SPATA13: variants seen among roughly 807,000 people sequenced by gnomAD.
SPATA13 encodes the protein spermatogenesis-associated protein 13.
A neutral mutation model predicts 104.0 loss-of-function variants in SPATA13; 50 were observed. That is an observed-to-expected ratio of 0.48 (90% CI 0.38 to 0.61). The LOEUF is 0.61. Ranked by LOEUF, SPATA13 falls within the 20% of genes least tolerant of loss-of-function variation. The pLI, the probability that SPATA13 is intolerant of heterozygous loss-of-function variation, is 0.00. For missense variants in SPATA13, 1,524 were observed against 1,690.6 expected, an observed-to-expected ratio of 0.90 and a Z score of 1.73; for synonymous variants, 606 against 667.5, an observed-to-expected ratio of 0.91 and a Z score of 1.42.
Position 24,304,158 on chromosome 13 carries a change from A to G in SPATA13, c.*1385A>G, listed in dbSNP as rs539548235. On this transcript the variant is annotated 3_prime_UTR_variant, in exon 13 of 13. Coordinates refer to ENST00000382108, the MANE Select transcript of SPATA13 (RefSeq NM_001166271.3). ...CAGGGCATAACCATGTCACGTGAGC[A>G]TGTCATCAGGCTTCTGAGGACTTGT... 2.0e-5 allele frequency: 3 copies of G among 152,358 alleles called. No individual in the cohort carries two copies. The highest frequency in any genetic ancestry group is 3.9e-4 in the East Asian group (2 of 5,188). The allele number at this position is 152,358 out of a possible 1,614,324, so 9.4% of individuals were successfully genotyped here. A position where few individuals can be genotyped will look rare whatever the true frequency, so the allele number is the denominator to read the frequency against.
chr13:24,064,047 G>C (rs894538339), intron 3 of SPATA13, among the ~76,000 whole-genome samples: 2 of 152,132 alleles, frequency 1.3e-5, no homozygotes, highest in Admixed American at 1.3e-4. Context: ...TCTTCTTCAA[G>C]TCAGCCATTT....
At chr13:24,261,509 C>T (rs1284292372) in intron 4 of SPATA13, among the ~76,000 whole-genome samples, 1 of 152,096 alleles carries the variant, frequency 6.6e-6, no homozygotes, top group African/African-American at 2.4e-5. Context: ...TCTTAAAACT[C>T]TAGGAAGGAG....
chr13:24,018,582 G>A (rs1276659210), intron 3 of SPATA13, among the ~76,000 whole-genome samples: 3 of 152,174 alleles, frequency 2.0e-5, no homozygotes, highest in Admixed American at 6.5e-5. Flanking sequence ...AGAGGTCTAC[G>A]CATTAATAGC....
At chr13:24,219,062 A>C (rs1871426481) in intron 1 of SPATA13, among the ~76,000 whole-genome samples, 1 of 149,676 alleles carries the variant, frequency 6.7e-6, no homozygotes, top group South Asian at 2.1e-4. Context: ...TCCAGCTTGT[A>C]GACAGTGGAT....
At chr13:24,287,821 T>G (rs1342825197) in intron 7 of SPATA13, among the ~76,000 whole-genome samples, 1 of 152,242 alleles carries the variant, frequency 6.6e-6, no homozygotes, top group Non-Finnish European at 1.5e-5. Context: ...TATTTTGTGC[T>G]TCTATGGATT....
At chr13:24,004,628 A>G (rs1208588954) in intron 2 of SPATA13, among the ~76,000 whole-genome samples, 2 of 152,164 alleles carry the variant, frequency 1.3e-5, no homozygotes, top group African/African-American at 4.8e-5. Flanking sequence ...CTGCCCCAGG[A>G]AGACGCAGGT....
At chr13:24,100,510 TG>T (rs1291832323) in intron 3 of SPATA13, among the ~76,000 whole-genome samples, 2 of 152,226 alleles carry the variant, frequency 1.3e-5, no homozygotes, top group African/African-American at 4.8e-5. Flanking sequence ...CAGTAGCACA[TG>T]TGGCCTTTTT....
intron 3 of SPATA13, among the ~76,000 whole-genome samples, chr13:24,067,847 G>T (rs531957277): frequency 7.9e-5 from 12 of 152,122 alleles, no homozygotes; most frequent in Non-Finnish European, 1.8e-4. Context: ...TGGGACTACA[G>T]GTGCCTGCCA....
intron 3 of SPATA13, among the ~76,000 whole-genome samples, chr13:24,094,300 C>T (rs1418170276): frequency 6.6e-6 from 1 of 152,282 alleles, no homozygotes; most frequent in African/African-American, 2.4e-5. Context: ...CATAGAAAAA[C>T]CAGGTTTTGA....
intron 1 of SPATA13, among the ~76,000 whole-genome samples, chr13:24,186,912 A>G (rs1291663061): frequency 7.2e-5 from 11 of 152,198 alleles, no homozygotes; most frequent in Admixed American, 7.2e-4. Flanking sequence ...TCATTTCTGT[A>G]AAGTCACACT....
At chr13:24,285,447 AACTG>A (rs1265141728) in intron 5 of SPATA13, among the ~76,000 whole-genome samples, 1 of 152,166 alleles carries the variant, frequency 6.6e-6, no homozygotes, top group Non-Finnish European at 1.5e-5. Context: ...TTTGCTAGAT[AACTG>A]ACCTGCTGCT....
rs564734870 is a variant in SPATA13, at chr13:24,000,113, G to T, written c.-147+16180G>T. On this transcript the variant is annotated intron_variant, in intron 2 of 14. Coordinates refer to the SPATA13 transcript ENST00000424834. ...GGATGGTGAGGTAAGAAACCTAGTG[G>T]GAGGGTTAGATGTTGATCAAATGAG... is the stretch of plus-strand genomic sequence containing the variant. 7.2e-5 allele frequency among the ~76,000 whole-genome samples: 11 copies of T among 152,306 alleles called. No homozygotes were observed. The South Asian group carries it at 2.1e-3, about 29-fold the overall frequency.
intron 3 of SPATA13, among the ~76,000 whole-genome samples, chr13:24,129,871 G>T (rs1881338266): frequency 6.6e-6 from 1 of 152,196 alleles, no homozygotes; most frequent in Non-Finnish European, 1.5e-5. Context: ...ACAGCTCTGG[G>T]ACAAGGGTGG....
intron 3 of SPATA13, among the ~76,000 whole-genome samples, chr13:24,135,603 C>A (rs9507253): frequency 0.54 from 80,323 of 149,514 alleles, 21,662 homozygotes; most frequent in Admixed American, 0.62. Context: ...GAGGCTGAGG[C>A]AGGAGAATGG....
In SPATA13 at chr13:24,286,775, A is replaced by C; in HGVS notation, c.2492A>C (p.Asn831Thr). The change falls in exon 7 of 13, where the codon AAT becomes ACT. Residue 831 changes from asparagine to threonine, a missense_variant. Asn to Thr is a moderately conservative substitution (Grantham distance 65). Coordinates refer to ENST00000382108, the MANE Select transcript of SPATA13 (RefSeq NM_001166271.3). This position sits in a 1 kb window ranked among gnomAD's most constrained non-coding sequence, Gnocchi z 4.9. ...GTATGTGGGTTGCAGTTGCGAGTGAATCAGGAAGAGCTGTCGGAAAACTCC... is the reference window on the plus strand; with the variant it reads ...GTATGTGGGTTGCAGTTGCGAGTGACTCAGGAAGAGCTGTCGGAAAACTCC... ...FPASFVRLRV[N>T]QEELSENSSS... 6.2e-7 allele frequency: 1 copy of C among 1,613,640 alleles called. No homozygotes were observed. The highest frequency in any genetic ancestry group is 8.5e-7 in the Non-Finnish European group (1 of 1,179,896).
At chr13:24,289,691 C>T (rs994395146) in intron 8 of SPATA13, among the ~76,000 whole-genome samples, 8 of 152,158 alleles carry the variant, frequency 5.3e-5, no homozygotes, top group Middle Eastern at 3.2e-3. Flanking sequence ...GGCTCCAGGA[C>T]GCATGGTTGT....
intron 3 of SPATA13, among the ~76,000 whole-genome samples, chr13:24,149,158 A>G (rs1355801215): frequency 6.6e-6 from 1 of 152,242 alleles, no homozygotes; most frequent in Non-Finnish European, 1.5e-5. Context: ...TTGCCATCAC[A>G]CTGGGTCGTT....
intron 2 of SPATA13, among the ~76,000 whole-genome samples, chr13:23,995,963 G>A (rs2137665812): frequency 6.6e-6 from 1 of 152,324 alleles, no homozygotes; most frequent in East Asian, 1.9e-4. Flanking sequence ...GACTTGAAGA[G>A]CTAGAGAGAC....
chr13:24,051,901 C>T lies in SPATA13; in HGVS notation c.-112+34200C>T, dbSNP rs904006633. On this transcript the variant is annotated intron_variant, in intron 3 of 14. Transcript: ENST00000424834. The surrounding 1 kb of genome is among the most constrained non-coding windows in gnomAD (Gnocchi z 4.2). ...TCCTAGGAGTTCCCCGGCACCTGTT[C>T]CTCCTCCTCAGCCCCGGCCCACCCC... Among the ~76,000 whole-genome samples the T allele has an allele frequency of 2.0e-5, 3 of 152,140 alleles. No individual in the cohort carries two copies. Among genetic ancestry groups the T allele is most frequent in the Admixed American group, 2.0e-4 (3 of 15,280 alleles).
Sources: allele counts gnomAD v4.1 joint callset (sites outside exome capture counted in the v4.1 genomes callset), GRCh38; gene constraint gnomAD v4.1.1; non-coding constraint Gnocchi (gnomAD v3.1); transcripts MANE v1.5; gene names NCBI Gene and HGNC (gene_info 2026-07-23, HGNC 2026-07-21).